ZFHX3: variants seen among roughly 807,000 people sequenced by gnomAD.
The protein encoded by ZFHX3 is zinc finger homeobox 3, also known as zinc finger homeobox protein 3.
Under a neutral mutation model 279.1 loss-of-function variants are expected in ZFHX3, and 42 were observed. The ratio of observed to expected loss-of-function variants is 0.15; its 90% CI spans 0.12 to 0.19. The LOEUF is 0.19. Among genes scored for constraint, ZFHX3 ranks in the 10% least tolerant of loss-of-function variants. ZFHX3 has a pLI of 1.00. For missense variants in ZFHX3, 4,981 were observed against 4,754.0 expected (o/e 1.05, Z -1.40); for synonymous variants, 2,293 against 1,957.8 (o/e 1.17, Z -4.52).
At chr16:73,172,219 G>C (rs1187153944) in intron 5 of ZFHX3, among the ~76,000 whole-genome samples, 3 of 152,192 alleles carry the variant, frequency 2.0e-5, no homozygotes, top group Non-Finnish European at 4.4e-5. Flanking sequence ...CAGCAAGTCC[G>C]GCAGCCCCGG....
chr16:73,891,061 A>G (rs1296847520), intron 1 of ZFHX3, among the ~76,000 whole-genome samples: 2 of 130,332 alleles, frequency 1.5e-5, no homozygotes, highest in Non-Finnish European at 3.1e-5. Context: ...AAGTGATCAC[A>G]TTTAATTCAT....
chr16:73,519,473 G>A (rs1042955400), intron 2 of ZFHX3, among the ~76,000 whole-genome samples: 6 of 151,766 alleles, frequency 4.0e-5, no homozygotes, highest in East Asian at 1.9e-4. Flanking sequence ...CCTTGGGCCC[G>A]TGATTCATTC....
intron 2 of ZFHX3, among the ~76,000 whole-genome samples, chr16:73,572,875 G>A (rs867612271): frequency 1.3e-5 from 2 of 152,084 alleles, no homozygotes; most frequent in Admixed American, 1.3e-4. Context: ...CCTTCAATGC[G>A]GCCACTCCAG....
rs1336313952 is a variant in ZFHX3, at chr16:73,148,780, C to G, written c.-1103-4949G>C. ...TGGCCAACATGGAGAAACCCTGTTT[C>G]TAATAAAAATACAAAAATTAGTCAG... On this transcript the variant is annotated intron_variant, in intron 5 of 17. Coordinates refer to the ZFHX3 transcript ENST00000641206. Among the ~76,000 whole-genome samples the G allele has an allele frequency of 5.3e-5, 8 of 151,372 alleles. No homozygotes were observed. In the East Asian group the frequency reaches 1.6e-3, roughly 29 times the overall value.
In ZFHX3 at chr16:73,017,500, A is replaced by G. The variant is rs541252769; in HGVS notation, c.-50+30252T>C. Among the ~76,000 whole-genome samples the G allele has an allele frequency of 1.2e-4, 19 of 152,228 alleles. No individual in the cohort carries two copies. In the South Asian group the frequency reaches 2.5e-3, roughly 20 times the overall value. On this transcript the variant is annotated intron_variant, in intron 1 of 9. Coordinates refer to ENST00000268489, the MANE Select transcript of ZFHX3 (RefSeq NM_006885.4). ...GCCAAGTCATGAAAACTCTGCCAAC[A>G]CTGTTCTCTCTCCAGCACTCACCTG...
chr16:73,469,888 T>G (rs764003387), intron 2 of ZFHX3, among the ~76,000 whole-genome samples: 75 of 152,314 alleles, frequency 4.9e-4, no homozygotes, highest in Middle Eastern at 6.8e-3. Flanking sequence ...AGTGCTGGGA[T>G]TACAGGCATA....
Position 72,811,892 on chromosome 16 carries a change from C to T in ZFHX3, c.3663+13G>A, listed in dbSNP as rs2143593655. 1 of 1,613,692 alleles carries T rather than the reference C, an allele frequency of 6.2e-7. No individual in the cohort carries two copies. Among genetic ancestry groups the T allele is most frequent in the Non-Finnish European group, 8.5e-7 (1 of 1,179,800 alleles). ...CCTCACCTCCCCACCAGCAGAGTCC[C>T]TTCCAGCCTCACCTGCTCCGGTTTG... On this transcript the variant is annotated intron_variant, in intron 6 of 9. Coordinates refer to ENST00000268489, the MANE Select transcript of ZFHX3 (RefSeq NM_006885.4).
At chr16:73,678,370 G>C (rs1180285875) in intron 2 of ZFHX3, among the ~76,000 whole-genome samples, 1 of 152,102 alleles carries the variant, frequency 6.6e-6, no homozygotes, top group Non-Finnish European at 1.5e-5. Flanking sequence ...TCTAATTACA[G>C]TGGGTAAAAA....
At chr16:73,650,007 G>A (rs780971699) in intron 2 of ZFHX3, among the ~76,000 whole-genome samples, 5 of 152,108 alleles carry the variant, frequency 3.3e-5, no homozygotes, top group East Asian at 3.9e-4. Context: ...TTATCTGTGC[G>A]TCAGTTTACT....
At chr16:73,640,607 G>A (rs567932832) in intron 2 of ZFHX3, among the ~76,000 whole-genome samples, 1 of 152,192 alleles carries the variant, frequency 6.6e-6, no homozygotes, top group South Asian at 2.1e-4. Flanking sequence ...TAAAAATCAA[G>A]TTGAATGGTA....
At chr16:73,802,468 C>T (rs1225659683) in intron 1 of ZFHX3, among the ~76,000 whole-genome samples, 1 of 152,152 alleles carries the variant, frequency 6.6e-6, no homozygotes, top group Non-Finnish European at 1.5e-5. Flanking sequence ...TTGAAAGAAT[C>T]CCCAGTATTT....
chr16:72,888,061 C>G (rs1025346137), intron 4 of ZFHX3, among the ~76,000 whole-genome samples: 2 of 152,010 alleles, frequency 1.3e-5, no homozygotes, highest in African/African-American at 4.8e-5. Flanking sequence ...AAACAAGAAA[C>G]AGTCGTAGAA....
At chr16:73,407,346 G>A (rs1411538302) in intron 3 of ZFHX3, among the ~76,000 whole-genome samples, 1 of 152,210 alleles carries the variant, frequency 6.6e-6, no homozygotes, top group East Asian at 1.9e-4. Context: ...GGAAAATGAG[G>A]GAAGGGCCTG....
At chr16:72,836,957 T>G (rs572812418) in intron 4 of ZFHX3, among the ~76,000 whole-genome samples, 1 of 152,268 alleles carries the variant, frequency 6.6e-6, no homozygotes, top group South Asian at 2.1e-4. Flanking sequence ...TCTCAGGATG[T>G]CATTTCTTTT....
intron 2 of ZFHX3, among the ~76,000 whole-genome samples, chr16:73,629,852 C>A (rs1179558750): frequency 3.3e-5 from 5 of 152,108 alleles, no homozygotes; most frequent in Non-Finnish European, 5.9e-5. Flanking sequence ...AGGTTGCATA[C>A]AAAATTCAAG....
intron 4 of ZFHX3, among the ~76,000 whole-genome samples, chr16:73,287,705 T>G (rs1471740635): frequency 2.1e-5 from 3 of 145,876 alleles, no homozygotes; most frequent in Non-Finnish European, 4.5e-5. Context: ...TGTGGCTGTG[T>G]GGGTCAGTGT....
chr16:72,841,199 G>A (rs577737430), intron 4 of ZFHX3, among the ~76,000 whole-genome samples: 31 of 152,278 alleles, frequency 2.0e-4, no homozygotes, highest in Admixed American at 1.6e-3. Flanking sequence ...GCGTCTACAC[G>A]TGGAAAGTCA....
chr16:73,612,097 T>A (rs2052252600), intron 2 of ZFHX3, among the ~76,000 whole-genome samples: 1 of 152,214 alleles, frequency 6.6e-6, no homozygotes. Flanking sequence ...AATCACAAAC[T>A]GAGCATGGTG....
At chr16:73,783,109 A>G (rs1202009109) in intron 1 of ZFHX3, among the ~76,000 whole-genome samples, 1 of 152,192 alleles carries the variant, frequency 6.6e-6, no homozygotes, top group Non-Finnish European at 1.5e-5. Flanking sequence ...TAAGGCACTT[A>G]TTCTCCAGCT....
Sources: allele counts gnomAD v4.1 joint callset (sites outside exome capture counted in the v4.1 genomes callset), GRCh38; gene constraint gnomAD v4.1.1; transcripts MANE v1.5; gene names NCBI Gene and HGNC (gene_info 2026-07-23, HGNC 2026-07-21).